The following APBB2 variants were observed in gnomAD, a reference collection of about 807,000 sequenced individuals.
The protein encoded by APBB2 is Fe65-like 1.
A neutral mutation model predicts 82.5 loss-of-function variants in APBB2; 38 were observed. The observed-to-expected ratio is 0.46, with a 90% CI of 0.36 to 0.60. APBB2 has a LOEUF of 0.60. Among genes scored for constraint, APBB2 ranks in the 20% least tolerant of loss-of-function variants. APBB2 has a pLI of 0.00. For synonymous variants in APBB2, 341 were observed against 368.2 expected, an observed-to-expected ratio of 0.93 and a Z score of 0.85; for missense variants, 772 against 972.3, an observed-to-expected ratio of 0.79 and a Z score of 2.74.
At chr4:41,162,329 ATC>A (rs1427011828) in intron 1 of APBB2, among the ~76,000 whole-genome samples, 2 of 151,432 alleles carry the variant, frequency 1.3e-5, no homozygotes, top group African/African-American at 4.9e-5. Context: ...TCTCCTATTC[ATC>A]TCTCTGTCTC....
intron 2 of APBB2, among the ~76,000 whole-genome samples, chr4:41,136,565 G>A (rs2154013850): frequency 6.6e-6 from 1 of 152,312 alleles, no homozygotes; most frequent in East Asian, 1.9e-4. Flanking sequence ...GGTCTACTCA[G>A]GTTGAAATGA....
chr4:40,902,023 C>T lies in APBB2; in HGVS notation c.1255-8612G>A, dbSNP rs539980308. Among the ~76,000 whole-genome samples the T allele has an allele frequency of 2.0e-5, 3 of 152,098 alleles. No individual in the cohort carries two copies. The South Asian group carries it at 6.2e-4, about 32-fold the overall frequency. On this transcript the variant is annotated intron_variant, in intron 10 of 17. Transcript: ENST00000508593. ...AGTACAGTATATCTTCACTTAACAT[C>T]ATTGATAGGTTCTTGAAAACTGTGA...
intron 4 of APBB2, among the ~76,000 whole-genome samples, chr4:41,038,266 T>C (rs896043343): frequency 3.9e-5 from 6 of 152,042 alleles, no homozygotes; most frequent in African/African-American, 1.2e-4. Context: ...CTCTTGTCAT[T>C]TGATTCAGTA....
intron 17 of APBB2, among the ~76,000 whole-genome samples, chr4:40,819,176 C>CTTTTTTTTTTTTTTTTTTTTT (rs1188181954): frequency 2.2e-5 from 3 of 135,214 alleles, no homozygotes; most frequent in Non-Finnish European, 1.5e-5. Context: ...CCTTGGCTCT[C>CTTTTTTTTTTTTTTTTTTTTT]TTTTTTTTTT....
chr4:40,945,693 A>C (rs1788188023), intron 6 of APBB2, among the ~76,000 whole-genome samples: 1 of 152,078 alleles, frequency 6.6e-6, no homozygotes, highest in Non-Finnish European at 1.5e-5. Context: ...GCTCACTGCA[A>C]GCTCCACCTC....
chr4:41,104,584 A>C (rs2153973292), intron 2 of APBB2, among the ~76,000 whole-genome samples: 1 of 152,238 alleles, frequency 6.6e-6, no homozygotes, highest in Non-Finnish European at 1.5e-5. Flanking sequence ...TTTTGTACGC[A>C]GGTAATGAGC....
chr4:40,838,844 T>C (rs1310923431), intron 12 of APBB2, among the ~76,000 whole-genome samples: 1 of 152,164 alleles, frequency 6.6e-6, no homozygotes, highest in Non-Finnish European at 1.5e-5. Flanking sequence ...ACTCTCGTAG[T>C]GTAAGTGGAA....
chr4:41,060,712 A>C (rs964123732), intron 4 of APBB2, among the ~76,000 whole-genome samples: 2 of 152,194 alleles, frequency 1.3e-5, no homozygotes, highest in African/African-American at 4.8e-5. Flanking sequence ...GGAAACCAGG[A>C]AAACTCCCTG....
At chr4:40,899,027 C>T (rs1014921326) in intron 10 of APBB2, among the ~76,000 whole-genome samples, 4 of 152,118 alleles carry the variant, frequency 2.6e-5, no homozygotes, top group African/African-American at 4.8e-5. Flanking sequence ...ACAGATGGCT[C>T]CTTTCTTTAC....
At chr4:40,913,746 C>T (rs1252319766) in intron 10 of APBB2, among the ~76,000 whole-genome samples, 1 of 152,098 alleles carries the variant, frequency 6.6e-6, no homozygotes, top group Non-Finnish European at 1.5e-5. Context: ...TTTAGTACCA[C>T]TTTTTTCACA....
intron 4 of APBB2, among the ~76,000 whole-genome samples, chr4:41,053,371 C>A (rs1049842662): frequency 6.6e-6 from 1 of 151,640 alleles, no homozygotes; most frequent in Non-Finnish European, 1.5e-5. Context: ...ATACCCAAAT[C>A]CAAGGCAGTT....
intron 12 of APBB2, among the ~76,000 whole-genome samples, chr4:40,889,028 G>T (rs1336103939): frequency 6.6e-6 from 1 of 152,210 alleles, no homozygotes; most frequent in Non-Finnish European, 1.5e-5. Flanking sequence ...TCTTTCCAGG[G>T]CTACAGCTCT....
chr4:40,855,204 A>G (rs1298169151), intron 12 of APBB2, among the ~76,000 whole-genome samples: 2 of 152,096 alleles, frequency 1.3e-5, no homozygotes, highest in Non-Finnish European at 2.9e-5. Flanking sequence ...CTTCCCAGGG[A>G]TGCTCCAGTG....
chr4:41,130,728 C>T (rs1755728069), intron 2 of APBB2, among the ~76,000 whole-genome samples: 1 of 152,138 alleles, frequency 6.6e-6, no homozygotes, highest in African/African-American at 2.4e-5. Context: ...CCAGTCTCCT[C>T]GAGTGCCTAC....
intron 4 of APBB2, among the ~76,000 whole-genome samples, chr4:41,041,641 G>T (rs1292178777): frequency 6.6e-6 from 1 of 152,160 alleles, no homozygotes; most frequent in Non-Finnish European, 1.5e-5. Flanking sequence ...AAAGGTCCAA[G>T]AACTAATCCT....
chr4:41,212,640 A>AT (rs1779604727), intron 1 of APBB2, among the ~76,000 whole-genome samples: 1 of 152,246 alleles, frequency 6.6e-6, no homozygotes, highest in African/African-American at 2.4e-5. Context: ...CTCTCAGCAA[A>AT]TATCTAGAGA....
chr4:40,960,177 G>T (rs778708636), intron 6 of APBB2, among the ~76,000 whole-genome samples: 1 of 151,956 alleles, frequency 6.6e-6, no homozygotes, highest in Non-Finnish European at 1.5e-5. Flanking sequence ...AGAGAAAAAC[G>T]TTTTTCTGAG....
chr4:40,960,088 C>T (rs1197110324), intron 6 of APBB2, among the ~76,000 whole-genome samples: 1 of 152,034 alleles, frequency 6.6e-6, no homozygotes, highest in Non-Finnish European at 1.5e-5. Context: ...ATTGTTCAGC[C>T]TGTCAGAGTG....
intron 10 of APBB2, among the ~76,000 whole-genome samples, chr4:40,928,135 T>C (rs1453464033): frequency 6.6e-6 from 1 of 152,188 alleles, no homozygotes; most frequent in Non-Finnish European, 1.5e-5. Context: ...AGGGCAATCA[T>C]CTACAAAAGC....
Sources: gnomAD v4.1 joint callset for allele counts (sites outside exome capture counted in the v4.1 genomes callset) on GRCh38, gnomAD v4.1.1 for gene constraint, MANE v1.5 for transcripts, NCBI Gene and HGNC (gene_info 2026-07-23, HGNC 2026-07-21) for gene names.